The following MGAT5 variants were observed in gnomAD, a reference collection of about 807,000 sequenced individuals.
The protein encoded by MGAT5 is alpha-1,6-mannosylglycoprotein 6-beta-N-acetylglucosaminyltransferase A.
Under a neutral mutation model 94.3 loss-of-function variants are expected in MGAT5, and 30 were observed. The ratio of observed to expected loss-of-function variants is 0.32; its 90% CI spans 0.24 to 0.43. MGAT5 has a LOEUF of 0.43. MGAT5 is among the 20% of genes least tolerant of loss of function. The pLI is 1.00. For missense variants in MGAT5, 691 were observed against 905.5 expected, an observed-to-expected ratio of 0.76 and a Z score of 3.04; for synonymous variants, 310 against 322.9, an observed-to-expected ratio of 0.96 and a Z score of 0.43.
intron 2 of MGAT5, among the ~76,000 whole-genome samples, chr2:134,271,291 G>C (rs1684013056): frequency 6.6e-6 from 1 of 151,744 alleles, no homozygotes; most frequent in Non-Finnish European, 1.5e-5. Context: ...GCTTGAACCA[G>C]GACTGCTCTT....
At chr2:134,229,418 T>C (rs1222858328) in intron 1 of MGAT5, among the ~76,000 whole-genome samples, 1 of 152,228 alleles carries the variant, frequency 6.6e-6, no homozygotes. Context: ...GTGTGTTTCG[T>C]TTTCTTTGGA....
chr2:134,159,323 C>T (rs973708890), intron 1 of MGAT5, among the ~76,000 whole-genome samples: 17 of 151,714 alleles, frequency 1.1e-4, no homozygotes, highest in African/African-American at 4.1e-4. Context: ...CTTCCCTTCT[C>T]TTTGCTTGCA....
chr2:134,386,491 G>T (rs1231128014), intron 10 of MGAT5, among the ~76,000 whole-genome samples: 2 of 152,198 alleles, frequency 1.3e-5, no homozygotes, highest in Non-Finnish European at 2.9e-5. Context: ...TTAGTGGTCT[G>T]TTATTAGGGA....
intron 1 of MGAT5, among the ~76,000 whole-genome samples, chr2:134,162,750 A>G (rs977905482): frequency 6.6e-6 from 1 of 152,208 alleles, no homozygotes; most frequent in African/African-American, 2.4e-5. Flanking sequence ...TGGGATGCCT[A>G]CTATGCACCA....
intron 1 of MGAT5, among the ~76,000 whole-genome samples, chr2:134,129,968 T>A (rs566251337): frequency 1.1e-3 from 168 of 152,298 alleles, no homozygotes; most frequent in African/African-American, 3.8e-3. Flanking sequence ...GAACCAGGGC[T>A]GCAGCACTCA....
intron 10 of MGAT5, among the ~76,000 whole-genome samples, chr2:134,369,727 TTGTG>T (rs10526028): frequency 2.7e-4 from 39 of 142,282 alleles, no homozygotes; most frequent in African/African-American, 7.3e-4. Flanking sequence ...GGTTTTTACA[TTGTG>T]TGTGTGTGTG....
intron 8 of MGAT5, among the ~76,000 whole-genome samples, chr2:134,347,915 A>C (rs543008352): frequency 5.3e-5 from 8 of 152,276 alleles, no homozygotes; most frequent in African/African-American, 1.9e-4. Flanking sequence ...TCTTTGACTC[A>C]CAAAGTAGTG....
At chr2:134,414,827 G>A (rs942818837) in intron 12 of MGAT5, among the ~76,000 whole-genome samples, 5 of 152,180 alleles carry the variant, frequency 3.3e-5, no homozygotes, top group African/African-American at 1.2e-4. Context: ...CCATTTTACT[G>A]TGAGTTGAAC....
rs946716844 is a variant in MGAT5, at chr2:134,195,695, C to T, written c.-142-58567C>T. Among the ~76,000 whole-genome samples, 11 of 152,266 alleles carry T rather than the reference C, an allele frequency of 7.2e-5. No homozygotes were observed. The South Asian group carries it at 8.3e-4, about 11-fold the overall frequency. The stretch of plus-strand genomic sequence containing the variant: ...GAATCTCATTGTAAAGTTCACCTAG[C>T]GCCTTTTTAACGTCTATAATCTTTT... On this transcript the variant is annotated intron_variant, in intron 1 of 16. Transcript: ENST00000409645.
At chr2:134,375,418 C>T (rs1007478723) in intron 10 of MGAT5, among the ~76,000 whole-genome samples, 1 of 152,310 alleles carries the variant, frequency 6.6e-6, no homozygotes, top group African/African-American at 2.4e-5. Flanking sequence ...AGGTTCTGTA[C>T]GGTTCTGTGT....
At chr2:134,245,676 C>T (rs1029469370) in intron 1 of MGAT5, among the ~76,000 whole-genome samples, 5 of 152,160 alleles carry the variant, frequency 3.3e-5, no homozygotes, top group African/African-American at 1.2e-4. Context: ...TTCCATCTGT[C>T]TTCTTTATAC....
At chr2:134,208,765 C>T (rs555874970) in intron 1 of MGAT5, among the ~76,000 whole-genome samples, 2 of 152,340 alleles carry the variant, frequency 1.3e-5, no homozygotes, top group South Asian at 2.1e-4. Context: ...GGAATGTAAA[C>T]ATTTAATAAA....
intron 1 of MGAT5, among the ~76,000 whole-genome samples, chr2:134,225,840 T>C (rs1463585257): frequency 6.6e-6 from 1 of 152,248 alleles, no homozygotes; most frequent in African/African-American, 2.4e-5. Context: ...TGTAGTTCTT[T>C]ATCCCACTGC....
chr2:134,263,354 A>AAACTTCCTC (rs1683461403), intron 1 of MGAT5, among the ~76,000 whole-genome samples: 1 of 152,218 alleles, frequency 6.6e-6, no homozygotes, highest in African/African-American at 2.4e-5. Context: ...CGATGCATGG[A>AAACTTCCTC]AACTTCCTCA....
rs1679285258 is a variant in MGAT5, at chr2:134,350,116, A to C, written c.1246+178A>C. On this transcript the variant is annotated intron_variant, in intron 9 of 15. Transcript: ENST00000281923. ...TTTTTTGTTTTTGTTTTTTAGTTGAAATCGAAAGGCCACATGAATATTTTT... is the reference window on the plus strand; with the variant it reads ...TTTTTTGTTTTTGTTTTTTAGTTGACATCGAAAGGCCACATGAATATTTTT... Among the ~76,000 whole-genome samples, 2 of 31,528 alleles carry C rather than the reference A, an allele frequency of 6.3e-5. 1 individual carries two copies. The highest frequency in any genetic ancestry group is 2.0e-3 in the South Asian group (2 of 978). 20.7% of individuals were successfully genotyped at this position (31,528 alleles called of 152,430 possible).
chr2:134,302,716 CTGTGTGTG>C (rs3034344), intron 2 of MGAT5, among the ~76,000 whole-genome samples: 17,147 of 133,482 alleles, frequency 0.13, 1,046 homozygotes, highest in East Asian at 0.16. Context: ...TTAAGAAATG[CTGTGTGTG>C]TGTGTGTGTG....
Position 134,314,638 on chromosome 2 carries a change from C to G in MGAT5, c.407-2891C>G, listed in dbSNP as rs1321850124. On this transcript the variant is annotated intron_variant, in intron 2 of 15. Transcript: ENST00000281923. ...GCCCAGAGGAGGACAGGATTCCTAACAAAATCCTGACTAGGCTTGGGAAGG... is the reference window on the plus strand; with the variant it reads ...GCCCAGAGGAGGACAGGATTCCTAAGAAAATCCTGACTAGGCTTGGGAAGG... Among the ~76,000 whole-genome samples the G allele has an allele frequency of 3.3e-5, 5 of 152,152 alleles. No homozygotes were observed. In the South Asian group the frequency reaches 1.0e-3, roughly 32 times the overall value.
chr2:134,222,331 CA>C (rs1324818578), intron 1 of MGAT5, among the ~76,000 whole-genome samples: 4 of 151,902 alleles, frequency 2.6e-5, no homozygotes, highest in Non-Finnish European at 4.4e-5. Context: ...GGGCAGTAAA[CA>C]ACCCAATCAG....
intron 1 of MGAT5, among the ~76,000 whole-genome samples, chr2:134,209,170 A>ATTTT (rs1282687888): frequency 3.3e-5 from 1 of 30,706 alleles, no homozygotes; most frequent in African/African-American, 2.8e-4. Context: ...TTTTTTTTTT[A>ATTTT]TTTTTTTTTT....
Sources: allele counts gnomAD v4.1 joint callset (sites outside exome capture counted in the v4.1 genomes callset), GRCh38; gene constraint gnomAD v4.1.1; transcripts MANE v1.5; gene names NCBI Gene and HGNC (gene_info 2026-07-23, HGNC 2026-07-21).